VWA8: variants seen among roughly 807,000 people sequenced by gnomAD.
The protein encoded by VWA8 is von Willebrand factor A domain containing 8, also known as von Willebrand factor A domain-containing protein 8.
In VWA8, 221 loss-of-function variants were observed where a neutral mutation model predicts 241.5. The observed-to-expected ratio is 0.91, with a 90% CI of 0.82 to 1.02. VWA8 has a LOEUF of 1.02. VWA8 is among the 50% of genes least tolerant of loss of function. The pLI, the probability that VWA8 is intolerant of heterozygous loss-of-function variation, is 0.00. For missense variants in VWA8, 2,322 were observed against 2,328.7 expected (o/e 1.00, Z 0.06); for synonymous variants, 852 against 827.1 (o/e 1.03, Z -0.52).
At chr13:41,676,630 G>A (rs2051354983) in intron 35 of VWA8, among the ~76,000 whole-genome samples, 2 of 150,826 alleles carry the variant, frequency 1.3e-5, no homozygotes, top group Admixed American at 1.3e-4. Context: ...TGCTGTTTTT[G>A]TTTGTTTGTT....
intron 12 of VWA8, among the ~76,000 whole-genome samples, chr13:41,858,285 G>A (rs1872847998): frequency 1.3e-5 from 2 of 152,096 alleles, no homozygotes; most frequent in African/African-American, 4.8e-5. Flanking sequence ...ACATAAAAGA[G>A]GCAGGCGACA....
chr13:41,706,608 T>C lies in VWA8; in HGVS notation c.3117-3197A>G, dbSNP rs1385362544. Among the ~76,000 whole-genome samples, 5 of 152,270 alleles carry C rather than the reference T, an allele frequency of 3.3e-5. No individual in the cohort carries two copies. The East Asian group carries it at 9.6e-4, about 29-fold the overall frequency. On this transcript the variant is annotated intron_variant, in intron 26 of 44. Coordinates refer to ENST00000379310, the MANE Select transcript of VWA8 (RefSeq NM_015058.2). ...AACTTTCTCTCCCTTGGTAAGTTAG[T>C]AGTCAGGGGAAAGGGGAAGCATTGT...
At chr13:41,687,967 C>A (rs1388796096) in intron 34 of VWA8, among the ~76,000 whole-genome samples, 1 of 151,990 alleles carries the variant, frequency 6.6e-6, no homozygotes, top group Non-Finnish European at 1.5e-5. Context: ...ATATTGATTT[C>A]TTCAATCAGA....
chr13:41,605,328 G>C, intron 39 of VWA8, 52 bp from the exon 40 acceptor site: 2 of 1,568,164 alleles, frequency 1.3e-6, no homozygotes, highest in Non-Finnish European at 1.7e-6. Context: ...GTATATGTGG[G>C]TTTTTACTTC....
chr13:41,727,234 A>G lies in VWA8; in HGVS notation c.2718T>C (p.Pro906=), dbSNP rs1311433013. 1.9e-6 allele frequency: 3 copies of G among 1,550,042 alleles called. No homozygotes were observed. Among genetic ancestry groups the G allele is most frequent in the Non-Finnish European group, 2.6e-6 (3 of 1,146,780 alleles). The change falls in exon 24 of 45, where the codon CCT becomes CCC. Residue 906 remains proline, a synonymous_variant. Coordinates refer to ENST00000379310, the MANE Select transcript of VWA8 (RefSeq NM_015058.2). The part of the protein sequence containing the change: ...DFRMIVLANR[P]GFPFLGNDFF... ...AATCATTGCCTAGGAAAGGAAATCC[A>G]GGTCTATTTGCCAGAACAATCATCC...
At chr13:41,657,497 T>G (rs1171125788) in intron 37 of VWA8, among the ~76,000 whole-genome samples, 1 of 151,446 alleles carries the variant, frequency 6.6e-6, no homozygotes, top group Non-Finnish European at 1.5e-5. Context: ...TTTTTTTTTT[T>G]TTTGAAACGG....
At chr13:41,621,716 C>T (rs1270273759) in intron 37 of VWA8, among the ~76,000 whole-genome samples, 3 of 152,086 alleles carry the variant, frequency 2.0e-5, no homozygotes, top group Non-Finnish European at 1.5e-5. Context: ...CAAATGAAGG[C>T]ACAAAGTAAA....
intron 38 of VWA8, among the ~76,000 whole-genome samples, chr13:41,612,739 T>C (rs2044597875): frequency 6.6e-6 from 1 of 152,138 alleles, no homozygotes; most frequent in African/African-American, 2.4e-5. Flanking sequence ...GAATCCAATA[T>C]TGGAGGGGCA....
At chr13:41,733,148 GAAATGTACACC>G (rs2045498318) in intron 21 of VWA8, among the ~76,000 whole-genome samples, 1 of 151,636 alleles carries the variant, frequency 6.6e-6, no homozygotes, top group East Asian at 1.9e-4. Flanking sequence ...TTATACTTGT[GAAATGTACACC>G]AAATGCCAAA....
At chr13:41,650,484 T>C (rs1251309933) in intron 37 of VWA8, among the ~76,000 whole-genome samples, 1 of 152,210 alleles carries the variant, frequency 6.6e-6, no homozygotes, top group Non-Finnish European at 1.5e-5. Context: ...CAATAGTCAC[T>C]AGTGAAGAGT....
intron 21 of VWA8, among the ~76,000 whole-genome samples, chr13:41,733,114 G>A (rs1286437942): frequency 6.6e-6 from 1 of 152,160 alleles, no homozygotes; most frequent in East Asian, 1.9e-4. Flanking sequence ...GACACTACTG[G>A]ACAGTGATAT....
intron 26 of VWA8, among the ~76,000 whole-genome samples, chr13:41,717,493 G>C (rs1487704000): frequency 6.6e-6 from 1 of 151,948 alleles, no homozygotes; most frequent in Non-Finnish European, 1.5e-5. Context: ...GATCCAGGTA[G>C]ACAGGTGAAC....
intron 2 of VWA8, among the ~76,000 whole-genome samples, chr13:41,931,764 A>C (rs1248817820): frequency 6.6e-6 from 1 of 152,166 alleles, no homozygotes; most frequent in Non-Finnish European, 1.5e-5. Context: ...AAGCTTTTTG[A>C]ACTGAATGAA....
chr13:41,763,858 G>C (rs1338591746), intron 20 of VWA8, among the ~76,000 whole-genome samples: 1 of 152,094 alleles, frequency 6.6e-6, no homozygotes, highest in Non-Finnish European at 1.5e-5. Flanking sequence ...CACGATTTAG[G>C]AGTCACAAGT....
intron 9 of VWA8, among the ~76,000 whole-genome samples, chr13:41,879,763 C>T (rs1475036102): frequency 6.6e-6 from 1 of 151,836 alleles, no homozygotes; most frequent in Admixed American, 6.6e-5. Context: ...TGTTGTGTAT[C>T]CCAAAGACCC....
chr13:41,952,271 A>G (rs920937690), intron 1 of VWA8, among the ~76,000 whole-genome samples: 4 of 152,168 alleles, frequency 2.6e-5, no homozygotes, highest in Non-Finnish European at 4.4e-5. Context: ...TTTAAGTTCT[A>G]ACACCCTCAA....
At chr13:41,590,565 C>A in intron 41 of VWA8, 75 bp downstream of exon 41, 3 of 1,431,556 alleles carry the variant, frequency 2.1e-6, no homozygotes, top group East Asian at 2.4e-5. Context: ...TATTTTGACA[C>A]AACTCACGAA....
intron 37 of VWA8, among the ~76,000 whole-genome samples, chr13:41,661,621 T>G (rs1236623231): frequency 6.6e-6 from 1 of 152,206 alleles, no homozygotes; most frequent in African/African-American, 2.4e-5. Context: ...CCAAATTAGC[T>G]TTCTTGACCT....
chr13:41,941,519 T>G (rs1014878655), intron 2 of VWA8, among the ~76,000 whole-genome samples: 14 of 152,224 alleles, frequency 9.2e-5, no homozygotes, highest in Non-Finnish European at 1.8e-4. Context: ...TTTGTAATCC[T>G]GCAAACAACC....
Sources: allele counts gnomAD v4.1 joint callset (sites outside exome capture counted in the v4.1 genomes callset), GRCh38; gene constraint gnomAD v4.1.1; transcripts MANE v1.5; gene names NCBI Gene and HGNC (gene_info 2026-07-23, HGNC 2026-07-21).